The following RAB21 variants were observed in gnomAD, a reference collection of about 807,000 sequenced individuals.
The protein encoded by RAB21 is RAB21, member RAS oncogene family, also known as ras-related protein Rab-21.
Under a neutral mutation model 33.1 loss-of-function variants are expected in RAB21, and 13 were observed. That is an observed-to-expected ratio of 0.39 (90% CI 0.26 to 0.62). The LOEUF (loss-of-function observed/expected upper bound fraction) is 0.62. Among genes scored for constraint, RAB21 ranks in the 20% least tolerant of loss-of-function variants. RAB21 has a pLI of 0.48. For missense variants in RAB21, 234 were observed against 279.1 expected, an observed-to-expected ratio of 0.84 and a Z score of 1.15; for synonymous variants, 91 against 103.7, an observed-to-expected ratio of 0.88 and a Z score of 0.74.
At chr12:71,769,608 A>AT (rs372411553) in intron 1 of RAB21, among the ~76,000 whole-genome samples, 192 bp from the exon 2 acceptor site, 5 of 151,698 alleles carry the variant, frequency 3.3e-5, no homozygotes, top group East Asian at 3.9e-4. Flanking sequence ...AGAAAACAAG[A>AT]TTTTTTTTTA....
intron 1 of RAB21, among the ~76,000 whole-genome samples, chr12:71,756,589 T>G (rs373480931): frequency 6.6e-6 from 1 of 152,216 alleles, no homozygotes; most frequent in Non-Finnish European, 1.5e-5. Flanking sequence ...GTAAAGCATA[T>G]CTGAAAAAGT....
intron 4 of RAB21, among the ~76,000 whole-genome samples, chr12:71,781,201 G>T (rs1883194416): frequency 6.6e-6 from 1 of 152,136 alleles, no homozygotes; most frequent in African/African-American, 2.4e-5. Flanking sequence ...CGGGCGCGGT[G>T]GCTCAAGCCT....
chr12:71,772,832 G>A (rs1883063586), intron 3 of RAB21, among the ~76,000 whole-genome samples: 1 of 152,164 alleles, frequency 6.6e-6, no homozygotes, highest in Admixed American at 6.5e-5. Context: ...CTGTCATTCA[G>A]TGCTGTTATA....
At chr12:71,759,090 G>A (rs1430724834) in intron 1 of RAB21, among the ~76,000 whole-genome samples, 4 of 152,174 alleles carry the variant, frequency 2.6e-5, no homozygotes, top group Non-Finnish European at 4.4e-5. Flanking sequence ...CTTTGGTATT[G>A]TAGTTAAGCT....
intron 1 of RAB21, among the ~76,000 whole-genome samples, chr12:71,763,703 G>A (rs1438340891): frequency 6.6e-6 from 1 of 152,212 alleles, no homozygotes; most frequent in Non-Finnish European, 1.5e-5. Context: ...AGGAGGTAGG[G>A]TGGAGAATGT....
At chr12:71,763,539 A>C (rs1882911656) in intron 1 of RAB21, among the ~76,000 whole-genome samples, 1 of 151,688 alleles carries the variant, frequency 6.6e-6, no homozygotes, top group South Asian at 2.1e-4. Flanking sequence ...TATGATAGCC[A>C]CTGAGCTGTT....
intron 1 of RAB21, among the ~76,000 whole-genome samples, chr12:71,758,832 A>G (rs1490749885): frequency 6.6e-6 from 1 of 152,054 alleles, no homozygotes; most frequent in African/African-American, 2.4e-5. Flanking sequence ...TCCTTTCCTT[A>G]AAGTGTGATT....
In RAB21 at chr12:71,770,600, A is replaced by C. The variant is rs1191551858; in HGVS notation, c.228A>C (p.Ala76=). Residue 76 remains alanine, a synonymous_variant, in exon 3 of 7, where the codon GCA becomes GCC. Transcript: ENST00000261263. ...KRVNLAIWDT[A]GQERFHALGP... ...TTTGTTGCTTTCTTTAGGATACGGC[A>C]GGTCAAGAGAGATTCCATGCATTGG... 2 of 1,593,832 alleles carry C rather than the reference A, an allele frequency of 1.3e-6. No individual in the cohort carries two copies. Among genetic ancestry groups the C allele is most frequent in the African/African-American group, 2.7e-5 (2 of 74,474 alleles).
At chr12:71,760,716 C>T (rs1404147016) in intron 1 of RAB21, among the ~76,000 whole-genome samples, 1 of 152,034 alleles carries the variant, frequency 6.6e-6, no homozygotes, top group Admixed American at 6.6e-5. Flanking sequence ...GTTATGTACC[C>T]CTTTTTTTTT....
At chr12:71,784,702 A>G (rs1489075185) in intron 6 of RAB21, among the ~76,000 whole-genome samples, 1 of 151,858 alleles carries the variant, frequency 6.6e-6, no homozygotes, top group East Asian at 1.9e-4. Flanking sequence ...CACTGTTTTG[A>G]TTAGTGTAGC....
In RAB21 at chr12:71,797,086, G is replaced by A. The variant is rs564777979; in HGVS notation, c.*11413G>A. ...TTAGTCATAAACCATTCTATGTGGA[G>A]CATTTTACAGGGGCTCTGAAAGGTA... On this transcript the variant is annotated 3_prime_UTR_variant, in exon 7 of 7. Transcript: ENST00000261263. 289 of 152,264 alleles carry A rather than the reference G, an allele frequency of 1.9e-3. 2 individuals carry two copies. Among genetic ancestry groups the A allele is most frequent in the African/African-American group, 6.5e-3 (270 of 41,568 alleles). The allele number at this position is 152,264 out of a possible 1,614,324, so 9.4% of individuals were successfully genotyped here. A position where few individuals can be genotyped will look rare whatever the true frequency, so the allele number is the denominator to read the frequency against.
chr12:71,760,053 G>T (rs1302410965), intron 1 of RAB21, among the ~76,000 whole-genome samples: 1 of 152,122 alleles, frequency 6.6e-6, no homozygotes, highest in African/African-American at 2.4e-5. Context: ...AATGATGCGG[G>T]ATTTATGTTT....
Position 71,755,109 on chromosome 12 carries a change from G to A in RAB21, c.-21G>A, listed in dbSNP as rs372858932. 3 of 1,142,504 alleles carry A rather than the reference G, an allele frequency of 2.6e-6. No homozygotes were observed. The highest frequency in any genetic ancestry group is 3.2e-6 in the Non-Finnish European group (3 of 934,106). 70.8% of individuals were successfully genotyped at this position (1,142,504 alleles called of 1,614,324 possible). A position where few individuals can be genotyped will look rare whatever the true frequency, so the allele number is the denominator to read the frequency against. ...GGAGGGCGGCGCGACACTCGGGCTC[G>A]GGCGGCCGGGAAGCGACGGGATGGC... On this transcript the variant is annotated 5_prime_UTR_variant, in exon 1 of 7. Coordinates refer to ENST00000261263, the MANE Select transcript of RAB21 (RefSeq NM_014999.4).
At chr12:71,776,709 G>A (rs115616771) in intron 4 of RAB21, among the ~76,000 whole-genome samples, 3,909 of 146,098 alleles carry the variant, frequency 0.027, 141 homozygotes, top group East Asian at 0.13. Context: ...CCAGTCTCCC[G>A]TTTAAAAAAA....
At position 71,758,829 on chromosome 12, in the gene RAB21, C is replaced by T. The variant is rs918662634; in HGVS notation, c.159+3541C>T. Among the ~76,000 whole-genome samples the T allele has an allele frequency of 3.9e-5, 6 of 152,082 alleles. No individual in the cohort carries two copies. The East Asian group carries it at 1.2e-3, about 29-fold the overall frequency. On this transcript the variant is annotated intron_variant, in intron 1 of 6. Coordinates refer to ENST00000261263, the MANE Select transcript of RAB21 (RefSeq NM_014999.4). The stretch of plus-strand genomic sequence containing the variant: ...GGCACTATGTAATCATTGTCCTTTC[C>T]TTAAAGTGTGATTCCTTGAGCTGTA...
chr12:71,763,076 A>G (rs1369459703), intron 1 of RAB21, among the ~76,000 whole-genome samples: 1 of 144,720 alleles, frequency 6.9e-6, no homozygotes, highest in Non-Finnish European at 1.5e-5. Flanking sequence ...AGTGTTAGCA[A>G]CTAGCAAGAA....
rs142642912 is a variant in RAB21, at chr12:71,784,707, T to A, written c.536-824T>A. 1.5e-3 allele frequency among the ~76,000 whole-genome samples: 229 copies of A among 152,316 alleles called. 1 individual carries two copies. Among genetic ancestry groups the A allele is most frequent in the Middle Eastern group, 0.01 (3 of 294 alleles). On this transcript the variant is annotated intron_variant, in intron 6 of 6. Transcript: ENST00000261263. ...ATCATTGTCTCACTGTTTTGATTAG[T>A]GTAGCTTTATACTAGTTCTTGCAAT...
In RAB21 at chr12:71,775,192, G is replaced by T. The variant is rs143426767; in HGVS notation, c.391+1170G>T. ...ATATCACAAGTATTGAACAATAAAA[G>T]TATACTAAACACTGTGCTGTGTACT... is the stretch of plus-strand genomic sequence containing the variant. On this transcript the variant is annotated intron_variant, in intron 4 of 6. Transcript: ENST00000261263. Among the ~76,000 whole-genome samples, 33 of 152,282 alleles carry T rather than the reference G, an allele frequency of 2.2e-4. No individual in the cohort carries two copies. In the East Asian group the frequency reaches 6.2e-3, roughly 29 times the overall value.
At chr12:71,780,231 G>A (rs533462842) in intron 4 of RAB21, among the ~76,000 whole-genome samples, 1 of 152,100 alleles carries the variant, frequency 6.6e-6, no homozygotes, top group Non-Finnish European at 1.5e-5. Context: ...CTTTTTATAG[G>A]TATTGATGAT....
Sources: allele counts gnomAD v4.1 joint callset (sites outside exome capture counted in the v4.1 genomes callset), GRCh38; gene constraint gnomAD v4.1.1; transcripts MANE v1.5; gene names NCBI Gene and HGNC (gene_info 2026-07-23, HGNC 2026-07-21).